Variants in TENM4 observed in about 807,000 individuals in gnomAD.
TENM4 encodes teneurin transmembrane protein 4.
In TENM4, 82 loss-of-function variants were observed where a neutral mutation model predicts 243.3. That is an observed-to-expected ratio of 0.34 (90% confidence interval 0.28 to 0.40). The LOEUF (loss-of-function observed/expected upper bound fraction) is 0.40, where lower values mean the gene tolerates loss of function less well. Among genes scored for constraint, TENM4 ranks in the 10% least tolerant of loss-of-function variants. TENM4 has a pLI of 1.00. For missense variants in TENM4, 3,138 were observed against 3,673.3 expected, an observed-to-expected ratio of 0.85 and a Z score of 3.77; for synonymous variants, 1,412 against 1,456.3, an observed-to-expected ratio of 0.97 and a Z score of 0.69.
At chr11:79,237,291 C>T (rs972155018) in intron 2 of TENM4, among the ~76,000 whole-genome samples, 26 of 152,258 alleles carry the variant, frequency 1.7e-4, no homozygotes, top group African/African-American at 5.1e-4. Context: ...CAAGCTCCTC[C>T]GGAGGCCCCA....
At chr11:78,853,300 A>G (rs1858588470) in intron 12 of TENM4, among the ~76,000 whole-genome samples, 1 of 152,166 alleles carries the variant, frequency 6.6e-6, no homozygotes, top group Non-Finnish European at 1.5e-5. Flanking sequence ...ATGTTTTCTG[A>G]CCCGAACTGC....
intron 19 of TENM4, among the ~76,000 whole-genome samples, chr11:78,748,576 A>G (rs531926824): frequency 2.6e-5 from 4 of 152,308 alleles, no homozygotes; most frequent in Non-Finnish European, 4.4e-5. Flanking sequence ...AGCGGAGAAG[A>G]AGACAGGCTC....
intron 1 of TENM4, among the ~76,000 whole-genome samples, chr11:79,324,382 C>G (rs1359518937): frequency 2.6e-5 from 4 of 151,800 alleles, no homozygotes; most frequent in Non-Finnish European, 5.9e-5. Context: ...CCACTATGCC[C>G]AGCTAATTAA....
intron 6 of TENM4, among the ~76,000 whole-genome samples, chr11:79,010,023 C>A (rs933278503): frequency 6.6e-5 from 10 of 152,120 alleles, no homozygotes; most frequent in African/African-American, 2.2e-4. Context: ...TTGCCTGCTG[C>A]CCTGTAAGAC....
chr11:79,162,783 C>T (rs919478979), intron 3 of TENM4, among the ~76,000 whole-genome samples: 2 of 152,166 alleles, frequency 1.3e-5, no homozygotes, highest in South Asian at 2.1e-4. Flanking sequence ...AGGTCTCCCT[C>T]CTGGCTCCCA....
chr11:78,738,383 C>CA, intron 20 of TENM4, 68 bp downstream of exon 20: 1 of 1,549,190 alleles, frequency 6.5e-7, no homozygotes, highest in African/African-American at 1.4e-5. Flanking sequence ...ATCAGTCCAG[C>CA]AGCAGCTATA....
chr11:78,790,736 C>A (rs1355308797), intron 15 of TENM4, among the ~76,000 whole-genome samples: 1 of 152,234 alleles, frequency 6.6e-6, no homozygotes, highest in Non-Finnish European at 1.5e-5. Context: ...TGACCTGTCA[C>A]AGGTGGGCTT....
intron 6 of TENM4, among the ~76,000 whole-genome samples, chr11:79,060,598 A>G (rs150653395): frequency 6.6e-6 from 1 of 152,262 alleles, no homozygotes; most frequent in East Asian, 1.9e-4. Context: ...TTGGTTGCAC[A>G]TTTTTGGTGG....
At chr11:78,977,936 A>G (rs1253838710) in intron 6 of TENM4, among the ~76,000 whole-genome samples, 2 of 152,216 alleles carry the variant, frequency 1.3e-5, no homozygotes, top group Non-Finnish European at 2.9e-5. Flanking sequence ...TCACAATAGC[A>G]AAGACTTGGA....
chr11:79,127,087 G>A (rs181952827), intron 4 of TENM4, among the ~76,000 whole-genome samples: 5 of 152,060 alleles, frequency 3.3e-5, no homozygotes, highest in African/African-American at 1.2e-4. Context: ...CATTTCCCCA[G>A]TGCTAGAATG....
In TENM4 at chr11:78,657,250, G is replaced by C; in HGVS notation, c.*808C>G. The C allele has an allele frequency of 2.5e-6, 1 of 398,658 alleles. No individual in the cohort carries two copies. Among genetic ancestry groups the C allele is most frequent in the Non-Finnish European group, 4.4e-6 (1 of 226,160 alleles). The allele number at this position is 398,658 out of a possible 1,614,324, so 24.7% of individuals were successfully genotyped here. Reference sequence around the variant, plus strand: ...GGCATCCTGGGTGCTTTCCCTCCCGGGAGGATGGGACTCTGAGCCCAGGAT... The same window carrying C: ...GGCATCCTGGGTGCTTTCCCTCCCGCGAGGATGGGACTCTGAGCCCAGGAT... On this transcript the variant is annotated 3_prime_UTR_variant, in exon 34 of 34. Transcript: ENST00000278550.
At chr11:79,228,296 T>C (rs926554943) in intron 2 of TENM4, among the ~76,000 whole-genome samples, 3 of 152,108 alleles carry the variant, frequency 2.0e-5, no homozygotes, top group Non-Finnish European at 2.9e-5. Flanking sequence ...CACATTTGCT[T>C]TTTGCTTCTG....
chr11:79,211,592 G>T (rs1477917983), intron 3 of TENM4, among the ~76,000 whole-genome samples: 1 of 152,086 alleles, frequency 6.6e-6, no homozygotes. Flanking sequence ...AAACGTTGAA[G>T]GGATTTGCCA....
At position 78,889,889 on chromosome 11, in the gene TENM4, G is replaced by A; in HGVS notation, c.980C>T (p.Ala327Val). The change falls in exon 9 of 34, where the codon GCC (alanine) becomes GTC (valine). Residue 327 changes from alanine to valine, a missense_variant. Physicochemically the swap from Ala to Val is moderately conservative, Grantham distance 64. This residue lies in a region of TENM4 where 671 missense variants were observed against 614.1 expected (regional missense o/e 1.09). Transcript: ENST00000278550. Reference sequence around the variant, plus strand: ...CTTGGAGGGCTTCTTGAGGTTAAAGGCCGGCCGGGCGAAGGTGCTGCGGGG... The same window carrying A: ...CTTGGAGGGCTTCTTGAGGTTAAAGACCGGCCGGGCGAAGGTGCTGCGGGG... ...PLPRSTFARP[A>V]FNLKKPSKYC... 1.3e-6 allele frequency: 2 copies of A among 1,551,822 alleles called. No individual in the cohort carries two copies. The highest frequency in any genetic ancestry group is 1.7e-6 in the Non-Finnish European group (2 of 1,147,022).
intron 3 of TENM4, among the ~76,000 whole-genome samples, chr11:79,161,461 C>T (rs1210102125): frequency 6.6e-6 from 1 of 152,166 alleles, no homozygotes; most frequent in East Asian, 1.9e-4. Flanking sequence ...AGGGTGGGCT[C>T]TAAATCCAAC....
intron 28 of TENM4, among the ~76,000 whole-genome samples, chr11:78,700,819 A>G (rs1316849254): frequency 1.3e-5 from 2 of 152,174 alleles, no homozygotes; most frequent in Non-Finnish European, 2.9e-5. Context: ...CTTTAGATAC[A>G]GGGCCTAATA....
At chr11:78,939,918 G>A (rs1856854001) in intron 6 of TENM4, among the ~76,000 whole-genome samples, 1 of 151,726 alleles carries the variant, frequency 6.6e-6, no homozygotes, top group Non-Finnish European at 1.5e-5. Context: ...TAGTAGGAGT[G>A]AAATAAATTA....
chr11:79,261,078 G>C (rs1049212216), intron 2 of TENM4, among the ~76,000 whole-genome samples: 1 of 152,208 alleles, frequency 6.6e-6, no homozygotes, highest in African/African-American at 2.4e-5. Flanking sequence ...TGAGGCACAG[G>C]GGGCAGTATT....
chr11:79,404,734 A>T (rs1353416477), intron 1 of TENM4, among the ~76,000 whole-genome samples: 1 of 152,244 alleles, frequency 6.6e-6, no homozygotes, highest in Non-Finnish European at 1.5e-5. Context: ...TGATTGGAAC[A>T]TACCCACCTG....
Sources: gnomAD v4.1 joint callset for allele counts (sites outside exome capture counted in the v4.1 genomes callset) on GRCh38, gnomAD v4.1.1 for gene constraint, gnomAD v4.1.1 regional missense constraint, MANE v1.5 for transcripts, NCBI Gene and HGNC (gene_info 2026-07-23, HGNC 2026-07-21) for gene names.